Variants in AGAP1 observed in about 807,000 individuals in gnomAD.
The protein encoded by AGAP1 is arf-GAP with GTPase, ANK repeat and PH domain-containing protein 1.
In AGAP1, 29 loss-of-function variants were observed where a neutral mutation model predicts 105.3. That is an observed-to-expected ratio of 0.28 (90% confidence interval 0.21 to 0.38). The LOEUF is 0.38. Among genes scored for constraint, AGAP1 ranks in the 10% least tolerant of loss-of-function variants. The probability of loss-of-function intolerance (pLI) is 1.00; values close to 1 mark genes in which losing one functional copy is unlikely to be tolerated. For synonymous variants in AGAP1, 509 were observed against 485.9 expected (o/e 1.05, Z -0.63); for missense variants, 998 against 1,165.1 (o/e 0.86, Z 2.09).
chr2:235,983,944 A>C lies in AGAP1; in HGVS notation c.1645+15321A>C, dbSNP rs376286307. Among the ~76,000 whole-genome samples, 2 of 151,342 alleles carry C rather than the reference A, an allele frequency of 1.3e-5. No individual in the cohort carries two copies. Among genetic ancestry groups the C allele is most frequent in the African/African-American group, 4.8e-5 (2 of 41,384 alleles). ...CATTTTAATTGTTTTTAAGTGTTCA[A>C]TTCAGTGCCGTTGAATTATATTTTC... On this transcript the variant is annotated intron_variant, in intron 13 of 17. Transcript: ENST00000304032. The surrounding 1 kb of genome is among the most constrained non-coding windows in gnomAD (Gnocchi z 4.5).
At chr2:236,118,706 T>G (rs574383131) in intron 16 of AGAP1, among the ~76,000 whole-genome samples, 6 of 152,246 alleles carry the variant, frequency 3.9e-5, no homozygotes, top group African/African-American at 1.4e-4. Flanking sequence ...TTTGTCATCC[T>G]CATCAAAAAG....
intron 10 of AGAP1, among the ~76,000 whole-genome samples, chr2:235,895,883 T>C (rs1337256222): frequency 6.6e-6 from 1 of 152,214 alleles, no homozygotes; most frequent in Non-Finnish European, 1.5e-5. Flanking sequence ...ATATTCTGGC[T>C]CCATTTGCTG....
intron 1 of AGAP1, among the ~76,000 whole-genome samples, chr2:235,526,594 A>G (rs1942847765): frequency 6.6e-6 from 1 of 152,236 alleles, no homozygotes; most frequent in South Asian, 2.1e-4. Context: ...GGTGACAAGG[A>G]ATGAATTATT....
At chr2:235,940,132 C>A (rs1462779713) in intron 12 of AGAP1, among the ~76,000 whole-genome samples, 1 of 152,146 alleles carries the variant, frequency 6.6e-6, no homozygotes, top group Non-Finnish European at 1.5e-5. Context: ...ACTTGCACAC[C>A]CTCCCTCGGC....
At chr2:235,947,851 C>T (rs1016433454) in intron 12 of AGAP1, among the ~76,000 whole-genome samples, 3 of 152,214 alleles carry the variant, frequency 2.0e-5, no homozygotes, top group Non-Finnish European at 4.4e-5. Context: ...GTTAAGTCTA[C>T]GCTGAAGTTC....
At chr2:235,738,940 GT>G (rs1173086694) in intron 3 of AGAP1, among the ~76,000 whole-genome samples, 2 of 152,080 alleles carry the variant, frequency 1.3e-5, no homozygotes, top group Non-Finnish European at 2.9e-5. Flanking sequence ...TTTTTAAAAA[GT>G]TTTTTTAAAG....
At chr2:236,011,309 A>G (rs1325414771) in intron 13 of AGAP1, among the ~76,000 whole-genome samples, 3 of 152,238 alleles carry the variant, frequency 2.0e-5, no homozygotes, top group Non-Finnish European at 2.9e-5. Flanking sequence ...AGAAAGTTCC[A>G]TTTAATTTGC....
intron 1 of AGAP1, among the ~76,000 whole-genome samples, chr2:235,554,884 G>A (rs1201727743): frequency 6.6e-6 from 1 of 152,128 alleles, no homozygotes; most frequent in Non-Finnish European, 1.5e-5. Flanking sequence ...TGGCCAGGTT[G>A]GTCTCAAACT....
chr2:236,081,953 G>A (rs2058796704), intron 16 of AGAP1, among the ~76,000 whole-genome samples: 1 of 152,104 alleles, frequency 6.6e-6, no homozygotes, highest in African/African-American at 2.4e-5. Flanking sequence ...CCCTAACATA[G>A]GTTCCATGCA....
In AGAP1 at chr2:235,517,948, G is replaced by GAAAGA. The variant is rs145516153; in HGVS notation, c.163+23102_163+23103insGAAAA. Among the ~76,000 whole-genome samples, 27 of 142,926 alleles carry GAAAGA rather than the reference G, an allele frequency of 1.9e-4. No homozygotes were observed. The highest frequency in any genetic ancestry group is 4.4e-4 in the South Asian group (2 of 4,538). The allele number at this position is 142,926 out of a possible 152,430, so 93.8% of individuals were successfully genotyped here. On this transcript the variant is annotated intron_variant, in intron 1 of 17. Transcript: ENST00000304032. This position sits in a 1 kb window ranked among gnomAD's most constrained non-coding sequence, Gnocchi z 4.1. ...ACTCCGTTTCAAAAAAAAAAAAAAAGAAAAAAAAAAGGTAGAACTCATAGT... is the reference window on the plus strand; with the variant it reads ...ACTCCGTTTCAAAAAAAAAAAAAAAGAAAGAAAAAAAAAAAGGTAGAACTCATAGT...
Position 235,639,669 on chromosome 2 carries a change from C to T in AGAP1, c.164-69510C>T, listed in dbSNP as rs952414191. ...GGCACACTGTTGTTTGGGGAAGAAT[C>T]GCAGGGACTCTCCTTCACTCTTAGA... On this transcript the variant is annotated intron_variant, in intron 1 of 17. Transcript: ENST00000304032. The surrounding 1 kb of genome is among the most constrained non-coding windows in gnomAD (Gnocchi z 5.3). Among the ~76,000 whole-genome samples, 1 of 152,272 alleles carries T rather than the reference C, an allele frequency of 6.6e-6. No homozygotes were observed. The highest frequency in any genetic ancestry group is 2.1e-4 in the South Asian group (1 of 4,826).
rs1311028227 is a variant in AGAP1 at position 235,559,313 on chromosome 2, A to G, written c.163+64464A>G. 2.0e-5 allele frequency among the ~76,000 whole-genome samples: 3 copies of G among 152,074 alleles called. No individual in the cohort carries two copies. The highest frequency in any genetic ancestry group is 4.4e-5 in the Non-Finnish European group (3 of 68,010). On this transcript the variant is annotated intron_variant, in intron 1 of 17. Transcript: ENST00000304032. The surrounding 1 kb of genome is among the most constrained non-coding windows in gnomAD (Gnocchi z 5.7). The stretch of plus-strand genomic sequence containing the variant: ...TTTGGGTGTCCCAAGACTGTTTGGA[A>G]GGTTGTTCTGACAAGCAAGTGCTGA...
At chr2:235,925,402 G>A (rs527763655) in intron 11 of AGAP1, among the ~76,000 whole-genome samples, 17 of 152,284 alleles carry the variant, frequency 1.1e-4, no homozygotes, top group African/African-American at 4.1e-4. Context: ...CAAAACGGCT[G>A]TGTGTTGAGG....
At position 236,038,334 on chromosome 2, in the gene AGAP1, T is replaced by C. The variant is rs540230170; in HGVS notation, c.1800+1619T>C. 6.6e-6 allele frequency among the ~76,000 whole-genome samples: 1 copy of C among 152,334 alleles called. No homozygotes were observed. ...AGAGAGGCACAGGTTCCTGCCTTCA[T>C]GGAGAAATCACAGTCTTTCACGGCA... On this transcript the variant is annotated intron_variant, in intron 14 of 17. Coordinates refer to ENST00000304032, the MANE Select transcript of AGAP1 (RefSeq NM_001037131.3). This position sits in a 1 kb window ranked among gnomAD's most constrained non-coding sequence, Gnocchi z 4.5.
chr2:235,936,627 C>A lies in AGAP1; in HGVS notation c.1483+5704C>A, dbSNP rs1458899907. 6.6e-6 allele frequency among the ~76,000 whole-genome samples: 1 copy of A among 151,912 alleles called. No homozygotes were observed. Among genetic ancestry groups the A allele is most frequent in the Non-Finnish European group, 1.5e-5 (1 of 67,940 alleles). ...ATTATAGTTGGAGCATTTTTTTTCT[C>A]TTCTTGGATATTATACTGACAATTT... On this transcript the variant is annotated intron_variant, in intron 12 of 17. Coordinates refer to ENST00000304032, the MANE Select transcript of AGAP1 (RefSeq NM_001037131.3). The surrounding 1 kb of genome is among the most constrained non-coding windows in gnomAD (Gnocchi z 4.7).
At chr2:235,500,790 G>A (rs749537136) in intron 1 of AGAP1, among the ~76,000 whole-genome samples, 2 of 152,194 alleles carry the variant, frequency 1.3e-5, no homozygotes, top group African/African-American at 4.8e-5. Context: ...ATGGCACCGG[G>A]TTCAAGAGAC....
chr2:235,575,821 G>A (rs995300078), intron 1 of AGAP1, among the ~76,000 whole-genome samples: 38 of 152,092 alleles, frequency 2.5e-4, no homozygotes, highest in Non-Finnish European at 1.3e-4. Context: ...TTTTCTTTCC[G>A]TAAAATAACC....
rs1474920963 is a variant in AGAP1, at chr2:236,128,944, CAAG to C, written c.*4823_*4825del. 1.3e-5 allele frequency: 2 copies of C among 152,186 alleles called. No individual in the cohort carries two copies. Among genetic ancestry groups the C allele is most frequent in the African/African-American group, 4.8e-5 (2 of 41,436 alleles). The allele number at this position is 152,186 out of a possible 1,614,324, so 9.4% of individuals were successfully genotyped here. On this transcript the variant is annotated 3_prime_UTR_variant, in exon 18 of 18. Coordinates refer to ENST00000304032, the MANE Select transcript of AGAP1 (RefSeq NM_001037131.3). This position sits in a 1 kb window ranked among gnomAD's most constrained non-coding sequence, Gnocchi z 5.9. ...TCAAGCAAACAAATTGAAAAGCAGT[CAAG>C]GAGGAGTTCAGATAGAAAAGTGCTG...
intron 11 of AGAP1, among the ~76,000 whole-genome samples, chr2:235,916,788 C>T (rs957434526): frequency 6.6e-6 from 1 of 152,208 alleles, no homozygotes; most frequent in Non-Finnish European, 1.5e-5. Flanking sequence ...AAATTATGTT[C>T]TTGAATTAAT....
Sources: allele counts gnomAD v4.1 joint callset (sites outside exome capture counted in the v4.1 genomes callset), GRCh38; gene constraint gnomAD v4.1.1; non-coding constraint Gnocchi (gnomAD v3.1); transcripts MANE v1.5; gene names NCBI Gene and HGNC (gene_info 2026-07-23, HGNC 2026-07-21).